Variants in BMP6 observed in about 807,000 individuals in gnomAD.
The protein encoded by BMP6 is bone morphogenetic protein 6, also known as VG-1-R.
Under a neutral mutation model 54.1 loss-of-function variants are expected in BMP6, and 17 were observed. The observed-to-expected ratio is 0.31, with a 90% confidence interval of 0.22 to 0.47. The LOEUF (loss-of-function observed/expected upper bound fraction) is 0.47. Ranked by LOEUF, BMP6 falls within the 20% of genes least tolerant of loss-of-function variation. The pLI is 1.00. For missense variants in BMP6, 720 were observed against 690.4 expected, an observed-to-expected ratio of 1.04 and a Z score of -0.48; for synonymous variants, 328 against 291.2, an observed-to-expected ratio of 1.13 and a Z score of -1.28.
chr6:7,850,463 A>T (rs1321345291), intron 2 of BMP6, among the ~76,000 whole-genome samples: 1 of 152,194 alleles, frequency 6.6e-6, no homozygotes, highest in Admixed American at 6.5e-5. Flanking sequence ...AAACAGGAAG[A>T]TTTCCTCAGG....
At chr6:7,828,797 G>A (rs748468047) in intron 1 of BMP6, among the ~76,000 whole-genome samples, 15 of 152,190 alleles carry the variant, frequency 9.9e-5, no homozygotes, top group South Asian at 2.1e-4. Flanking sequence ...CTACCGTTTC[G>A]GTGTTGTTGA....
At chr6:7,755,191 T>C (rs1372987497) in intron 1 of BMP6, among the ~76,000 whole-genome samples, 1 of 152,226 alleles carries the variant, frequency 6.6e-6, no homozygotes, top group Non-Finnish European at 1.5e-5. Flanking sequence ...TGATTATTGA[T>C]GTGTCTGGGT....
At chr6:7,787,636 A>G (rs762893323) in intron 1 of BMP6, among the ~76,000 whole-genome samples, 1 of 152,190 alleles carries the variant, frequency 6.6e-6, no homozygotes, top group Non-Finnish European at 1.5e-5. Context: ...ACTTTTTCTT[A>G]GCCGTGGCTG....
chr6:7,804,615 A>G (rs1758320094), intron 1 of BMP6, among the ~76,000 whole-genome samples: 1 of 152,220 alleles, frequency 6.6e-6, no homozygotes, highest in African/African-American at 2.4e-5. Context: ...CTCTTTCCCT[A>G]TGAATGGAAA....
intron 1 of BMP6, among the ~76,000 whole-genome samples, chr6:7,811,707 G>C (rs188684067): frequency 6.6e-6 from 1 of 152,174 alleles, no homozygotes. Flanking sequence ...TTGATTCCAG[G>C]CCTCTTCATT....
intron 1 of BMP6, among the ~76,000 whole-genome samples, chr6:7,843,463 G>C (rs1221950224): frequency 1.4e-5 from 2 of 146,076 alleles, no homozygotes; most frequent in Non-Finnish European, 3.0e-5. Flanking sequence ...TTTTTAAGAA[G>C]CTAAATCTCC....
chr6:7,771,385 G>A (rs1320232930), intron 1 of BMP6, among the ~76,000 whole-genome samples: 1 of 152,202 alleles, frequency 6.6e-6, no homozygotes, highest in Non-Finnish European at 1.5e-5. Context: ...GCCTAGAGTT[G>A]TTCTGCACTG....
intron 1 of BMP6, among the ~76,000 whole-genome samples, chr6:7,755,660 AT>A (rs1040225558): frequency 2.0e-5 from 3 of 151,116 alleles, no homozygotes; most frequent in African/African-American, 4.9e-5. Flanking sequence ...GTAGATCAAC[AT>A]TTTTTTTTAA....
chr6:7,739,239 C>T (rs1229041091), intron 1 of BMP6, among the ~76,000 whole-genome samples: 2 of 152,178 alleles, frequency 1.3e-5, no homozygotes, highest in East Asian at 3.8e-4. Flanking sequence ...TGCCGGAACA[C>T]AGCACAAAGA....
intron 1 of BMP6, among the ~76,000 whole-genome samples, chr6:7,777,212 G>C (rs748936758): frequency 6.6e-5 from 10 of 152,196 alleles, no homozygotes; most frequent in Non-Finnish European, 1.3e-4. Context: ...TGAGGGGAAG[G>C]AGGTCAGAGG....
intron 1 of BMP6, among the ~76,000 whole-genome samples, chr6:7,797,096 A>G (rs746707115): frequency 1.3e-5 from 2 of 152,242 alleles, no homozygotes; most frequent in East Asian, 1.9e-4. Flanking sequence ...ATATGTTTCA[A>G]TGTAGACTAA....
chr6:7,734,137 C>T (rs1280493777), intron 1 of BMP6, among the ~76,000 whole-genome samples: 1 of 152,160 alleles, frequency 6.6e-6, no homozygotes, highest in Non-Finnish European at 1.5e-5. Context: ...GGGTCTGAAG[C>T]CAGGCTGGGA....
intron 1 of BMP6, among the ~76,000 whole-genome samples, chr6:7,835,070 A>G (rs1450906522): frequency 3.9e-5 from 6 of 152,174 alleles, no homozygotes; most frequent in Non-Finnish European, 7.4e-5. Flanking sequence ...CCAGAAGACA[A>G]TGGCATTGTC....
chr6:7,764,576 T>C (rs1757657892), intron 1 of BMP6, among the ~76,000 whole-genome samples: 1 of 152,204 alleles, frequency 6.6e-6, no homozygotes, highest in South Asian at 2.1e-4. Context: ...GATGGTGTTA[T>C]ATGGAGGTCA....
intron 4 of BMP6, among the ~76,000 whole-genome samples, chr6:7,869,992 G>C (rs935680257): frequency 6.6e-6 from 1 of 152,254 alleles, no homozygotes; most frequent in African/African-American, 2.4e-5. Flanking sequence ...ACCACCCTCA[G>C]AACAGGACTC....
intron 1 of BMP6, among the ~76,000 whole-genome samples, chr6:7,748,372 C>G (rs1407394786): frequency 1.3e-5 from 2 of 152,170 alleles, no homozygotes; most frequent in Non-Finnish European, 2.9e-5. Flanking sequence ...AAAGATCTTC[C>G]TGTTCCATAC....
Position 7,862,474 on chromosome 6 carries a change from G to A in BMP6, c.1180G>A (p.Val394Met), listed in dbSNP as rs142167481. 1,082 of 1,614,126 alleles carry A rather than the reference G, an allele frequency of 6.7e-4. 1 individual carries two copies. The highest frequency in any genetic ancestry group is 8.5e-4 in the Non-Finnish European group (1,003 of 1,180,028). The change falls in exon 4 of 7, where the codon GTG becomes ATG. Residue 394 changes from valine (V) to methionine (M), a missense_variant. By Grantham distance (21) the Val-to-Met change is conservative. Transcript: ENST00000283147. ...SRNRSTQSQD[V>M]ARVSSASDYN... Reference sequence around the variant, plus strand: ...TAATCGCTCTACCCAGTCCCAGGACGTGGCGCGGGTCTCCAGTGCTTCAGG... The same window carrying A: ...TAATCGCTCTACCCAGTCCCAGGACATGGCGCGGGTCTCCAGTGCTTCAGG...
chr6:7,782,592 C>T (rs1757963343), intron 1 of BMP6, among the ~76,000 whole-genome samples: 1 of 152,068 alleles, frequency 6.6e-6, no homozygotes, highest in African/African-American at 2.4e-5. Context: ...CGCCTGCAGT[C>T]CCAGCTACCT....
chr6:7,871,219 A>G (rs1759519112), intron 4 of BMP6, among the ~76,000 whole-genome samples: 2 of 152,256 alleles, frequency 1.3e-5, no homozygotes, highest in Admixed American at 6.5e-5. Context: ...ATGTTCAAAT[A>G]TCTGTAATGT....
Sources: gnomAD v4.1 joint callset for allele counts (sites outside exome capture counted in the v4.1 genomes callset) on GRCh38, gnomAD v4.1.1 for gene constraint, MANE v1.5 for transcripts, NCBI Gene and HGNC (gene_info 2026-07-23, HGNC 2026-07-21) for gene names.